CDH12: variants seen among roughly 807,000 people sequenced by gnomAD.
The protein encoded by CDH12 is cadherin-12.
A neutral mutation model predicts 74.1 loss-of-function variants in CDH12; 41 were observed. The ratio of observed to expected loss-of-function variants is 0.55; its 90% CI spans 0.43 to 0.72. The LOEUF (loss-of-function observed/expected upper bound fraction) is 0.72. Among genes scored for constraint, CDH12 ranks in the 30% least tolerant of loss-of-function variants. The pLI is 0.00. For missense variants in CDH12, 945 were observed against 977.2 expected (o/e 0.97, Z 0.44); for synonymous variants, 399 against 355.0 (o/e 1.12, Z -1.39).
At chr5:22,604,118 T>G (rs1319393855) in intron 1 of CDH12, among the ~76,000 whole-genome samples, 2 of 152,134 alleles carry the variant, frequency 1.3e-5, no homozygotes, top group East Asian at 1.9e-4. Context: ...ATATAGGAAA[T>G]CCAGAGTGTG....
chr5:21,842,948 C>A (rs1309538312), intron 7 of CDH12, among the ~76,000 whole-genome samples: 1 of 152,074 alleles, frequency 6.6e-6, no homozygotes. Context: ...ACCAATTAAC[C>A]GAATGAGTGA....
intron 5 of CDH12, among the ~76,000 whole-genome samples, chr5:22,021,273 C>A (rs1289399284): frequency 1.3e-5 from 2 of 152,138 alleles, no homozygotes; most frequent in African/African-American, 4.8e-5. Flanking sequence ...TGTCAGTACT[C>A]AAAAAGTTTC....
chr5:22,594,532 C>G (rs898383948), intron 1 of CDH12, among the ~76,000 whole-genome samples: 1 of 152,102 alleles, frequency 6.6e-6, no homozygotes, highest in Non-Finnish European at 1.5e-5. Flanking sequence ...ATATTGCTTG[C>G]CTTTTGATCC....
At chr5:22,272,770 T>C (rs1380523516) in intron 3 of CDH12, among the ~76,000 whole-genome samples, 1 of 152,170 alleles carries the variant, frequency 6.6e-6, no homozygotes, top group Non-Finnish European at 1.5e-5. Flanking sequence ...TTGATCTAAA[T>C]GTGACACCTT....
At chr5:22,142,446 C>T (rs1746865289) in intron 4 of CDH12, 1 of 589,554 alleles carries the variant, frequency 1.7e-6, no homozygotes, top group African/African-American at 1.9e-5. Flanking sequence ...GTTATAAAAC[C>T]TTATCTTGCA....
intron 1 of CDH12, among the ~76,000 whole-genome samples, chr5:22,848,322 C>A (rs1248388062): frequency 6.6e-6 from 1 of 152,128 alleles, no homozygotes; most frequent in African/African-American, 2.4e-5. Flanking sequence ...CTTAATCAAT[C>A]AATTACTGAT....
At position 21,854,103 on chromosome 5, in the gene CDH12, T is replaced by C. The variant is rs1038319797; in HGVS notation, c.646+568A>G. ...TGCCCTTCCTATGCTACTCATATTG[T>C]ATTTGAATTTGAAAACTGCTATTTT... On this transcript the variant is annotated intron_variant, in intron 7 of 14. Coordinates refer to ENST00000382254, the MANE Select transcript of CDH12 (RefSeq NM_004061.5). 5.3e-5 allele frequency among the ~76,000 whole-genome samples: 8 copies of C among 151,734 alleles called. No homozygotes were observed. The Admixed American group carries it at 5.3e-4, about 10-fold the overall frequency.
At chr5:22,761,164 G>A (rs760216663) in intron 1 of CDH12, among the ~76,000 whole-genome samples, 1 of 151,966 alleles carries the variant, frequency 6.6e-6, no homozygotes, top group African/African-American at 2.4e-5. Context: ...ATTTATTCAC[G>A]TCTTTATCTT....
At chr5:22,693,339 C>T (rs1283283876) in intron 1 of CDH12, among the ~76,000 whole-genome samples, 1 of 152,148 alleles carries the variant, frequency 6.6e-6, no homozygotes, top group Non-Finnish European at 1.5e-5. Flanking sequence ...AAAGAAGCCT[C>T]ACTGCCTTGG....
At chr5:21,978,202 C>A (rs565263086) in intron 5 of CDH12, among the ~76,000 whole-genome samples, 25 of 152,168 alleles carry the variant, frequency 1.6e-4, no homozygotes, top group African/African-American at 5.5e-4. Context: ...AGTGCAGTGG[C>A]GTGATCTCGG....
rs750697240 is a variant in CDH12, at chr5:21,842,371, GCT to G, written c.647-45_647-44del. The G allele has an allele frequency of 1.2e-5, 16 of 1,358,212 alleles. No individual in the cohort carries two copies. The African/African-American group carries it at 1.6e-4, about 14-fold the overall frequency. The allele number at this position is 1,358,212 out of a possible 1,614,324, so 84.1% of individuals were successfully genotyped here. ...ATAATGTAAAATAAATATCACAAAT[GCT>G]CTGTTTTCTGAAATAAAATAAAATG... is the stretch of plus-strand genomic sequence containing the variant. On this transcript the variant is annotated intron_variant, in intron 7 of 14. Transcript: ENST00000382254.
At chr5:22,706,179 G>A (rs937153581) in intron 1 of CDH12, among the ~76,000 whole-genome samples, 2 of 152,074 alleles carry the variant, frequency 1.3e-5, no homozygotes, top group South Asian at 4.2e-4. Context: ...GTTTCCCCTG[G>A]CAGGTACTAA....
chr5:22,237,352 G>A (rs2150378684), intron 3 of CDH12, among the ~76,000 whole-genome samples: 1 of 152,244 alleles, frequency 6.6e-6, no homozygotes, highest in East Asian at 1.9e-4. Context: ...TTAAGTTTGT[G>A]TTTTGGTCTG....
chr5:21,930,771 A>G (rs374351218), intron 6 of CDH12, among the ~76,000 whole-genome samples: 2 of 152,368 alleles, frequency 1.3e-5, no homozygotes, highest in African/African-American at 2.4e-5. Flanking sequence ...GTTGAGGTTA[A>G]TGAAATAATT....
chr5:21,937,638 A>G (rs1462845609), intron 6 of CDH12, among the ~76,000 whole-genome samples: 1 of 152,226 alleles, frequency 6.6e-6, no homozygotes, highest in Non-Finnish European at 1.5e-5. Flanking sequence ...ACAGAGCAGT[A>G]AAGAGTTCAG....
chr5:22,623,498 C>A lies in CDH12; in HGVS notation c.-522-118134G>T, dbSNP rs186676225. 3.6e-3 allele frequency among the ~76,000 whole-genome samples: 551 copies of A among 152,272 alleles called. 1 individual carries two copies. Among genetic ancestry groups the A allele is most frequent in the African/African-American group, 0.01 (424 of 41,558 alleles). On this transcript the variant is annotated intron_variant, in intron 1 of 14. Transcript: ENST00000382254. ...ATAGAAAATCAATGTGCAAAAATCA[C>A]AAGCATTCCTATACACCAATAACAG... is the stretch of plus-strand genomic sequence containing the variant.
At chr5:22,532,352 T>TAG (rs1430381447) in intron 1 of CDH12, among the ~76,000 whole-genome samples, 2 of 50,110 alleles carry the variant, frequency 4.0e-5, no homozygotes, top group African/African-American at 1.2e-4. Flanking sequence ...ATAAATAGGA[T>TAG]ATATATATAT....
At chr5:22,612,847 C>T (rs1425308538) in intron 1 of CDH12, among the ~76,000 whole-genome samples, 1 of 152,048 alleles carries the variant, frequency 6.6e-6, no homozygotes, top group East Asian at 1.9e-4. Context: ...AACTCCTCAA[C>T]CCTAACATAG....
chr5:22,694,872 T>C (rs987609333), intron 1 of CDH12, among the ~76,000 whole-genome samples: 1 of 152,184 alleles, frequency 6.6e-6, no homozygotes, highest in African/African-American at 2.4e-5. Context: ...GTGCAGAATG[T>C]GCAGGTTTGT....
Sources: allele counts gnomAD v4.1 joint callset (sites outside exome capture counted in the v4.1 genomes callset), GRCh38; gene constraint gnomAD v4.1.1; transcripts MANE v1.5; gene names NCBI Gene and HGNC (gene_info 2026-07-23, HGNC 2026-07-21).